The following RP1L1 variants were observed in gnomAD, a reference collection of about 807,000 sequenced individuals.
RP1L1 encodes retinitis pigmentosa 1-like 1 protein.
A neutral mutation model predicts 15.7 loss-of-function variants in RP1L1; 27 were observed. The ratio of observed to expected loss-of-function variants is 1.72; its 90% CI spans 1.27 to 2.38. The LOEUF is 2.38. RP1L1 is among the 30% of genes most tolerant of loss of function. The probability of loss-of-function intolerance (pLI) is 0.00; values close to 1 mark genes in which losing one functional copy is unlikely to be tolerated. For synonymous variants in RP1L1, 1,813 were observed against 1,276.7 expected (o/e 1.42, Z -8.96); for missense variants, 4,798 against 3,075.9 (o/e 1.56, Z -13.24).
intron 3 of RP1L1, among the ~76,000 whole-genome samples, chr8:10,614,661 C>CAAAAAAAA (rs772003815): frequency 2.6e-5 from 2 of 75,566 alleles, no homozygotes; most frequent in African/African-American, 5.6e-5. Flanking sequence ...ATTCTGTCGT[C>CAAAAAAAA]AAAAAAAAAA....
chr8:10,610,764 T>C lies in RP1L1; in HGVS notation c.3334A>G (p.Ser1112Gly). The change falls in exon 4 of 4, where the codon AGC becomes GGC. Residue 1112 changes from serine to glycine, a missense_variant. Coordinates refer to ENST00000382483, the MANE Select transcript of RP1L1 (RefSeq NM_178857.6). The part of the protein sequence containing the change: ...EVSRPMARRL[S>G]CSAGALITCL... ...GTAATGAGGGCCCCGGCTGAGCAGCTGAGCCTCCTGGCCATGGGCCTAGAC... is the reference window on the plus strand; with the variant it reads ...GTAATGAGGGCCCCGGCTGAGCAGCCGAGCCTCCTGGCCATGGGCCTAGAC... The C allele has an allele frequency of 6.2e-7, 1 of 1,613,346 alleles. No homozygotes were observed. Among genetic ancestry groups the C allele is most frequent in the Non-Finnish European group, 8.5e-7 (1 of 1,180,000 alleles).
At chr8:10,628,759 G>T (rs1798196220) in intron 1 of RP1L1, among the ~76,000 whole-genome samples, 1 of 152,176 alleles carries the variant, frequency 6.6e-6, no homozygotes, top group Non-Finnish European at 1.5e-5. Flanking sequence ...ACAACTCATG[G>T]ACTGGAAGAA....
chr8:10,616,483 A>G lies in RP1L1; in HGVS notation c.714T>C (p.Ala238=), dbSNP rs763914928. The G allele has an allele frequency of 6.2e-7, 1 of 1,614,236 alleles. No individual in the cohort carries two copies. The highest frequency in any genetic ancestry group is 8.5e-7 in the Non-Finnish European group (1 of 1,180,042). ...TTGAAGTCAGCCCAGATAAAGTTTC[A>G]GCCTCGCTTCTCCTGGCATTTTTCA... ...PAMKNARRSE[A]ETLSGLTSRN... The change falls in exon 3 of 4, where the codon GCT becomes GCC. Residue 238 remains alanine, a synonymous_variant. Coordinates refer to ENST00000382483, the MANE Select transcript of RP1L1 (RefSeq NM_178857.6).
At chr8:10,641,224 G>A (rs2117257162) in intron 1 of RP1L1, among the ~76,000 whole-genome samples, 1 of 152,280 alleles carries the variant, frequency 6.6e-6, no homozygotes, top group African/African-American at 2.4e-5. Flanking sequence ...AGAAGTACTA[G>A]CCAATGAAAT....
At chr8:10,615,441 T>C (rs1797950046) in intron 3 of RP1L1, among the ~76,000 whole-genome samples, 1 of 152,176 alleles carries the variant, frequency 6.6e-6, no homozygotes, top group Non-Finnish European at 1.5e-5. Flanking sequence ...TTGACCCCCA[T>C]GCAGGCCACC....
intron 1 of RP1L1, among the ~76,000 whole-genome samples, chr8:10,625,908 C>T (rs1346711057): frequency 1.3e-5 from 2 of 150,854 alleles, no homozygotes; most frequent in South Asian, 2.1e-4. Context: ...GGGCAGGCAG[C>T]GAGGGCAGCA....
In RP1L1 at chr8:10,616,415, T is replaced by C. The variant is rs763859947; in HGVS notation, c.751+31A>G. ...CTACTGAACCACCATGCAGTGCAAA[T>C]CAGATGGGGGAAACCCAAAAACCAA... On this transcript the variant is annotated intron_variant, in intron 3 of 3. Transcript: ENST00000382483. 3.8e-5 allele frequency: 61 copies of C among 1,613,924 alleles called. 1 individual carries two copies. The South Asian group carries it at 6.7e-4, about 18-fold the overall frequency.
At position 10,611,286 on chromosome 8, in the gene RP1L1, C is replaced by T; in HGVS notation, c.2812G>A (p.Glu938Lys). 7 of 1,613,044 alleles carry T rather than the reference C, an allele frequency of 4.3e-6. No homozygotes were observed. The highest frequency in any genetic ancestry group is 1.1e-5 in the South Asian group (1 of 91,090). Residue 938 changes from glutamate to lysine, a missense_variant, in exon 4 of 4, where the codon GAG (glutamate) becomes AAG (lysine). By Grantham distance (56) the Glu-to-Lys change is moderately conservative (BLOSUM62 1). Coordinates refer to ENST00000382483, the MANE Select transcript of RP1L1 (RefSeq NM_178857.6). ...LRSGGGPQGQ[E>K]EASGVSPSSL... ...CTGGGTGACACACCACTGGCCTCCT[C>T]CTGCCCCTGGGGGCCTCCCCCACTC...
At chr8:10,615,388 T>C (rs538551590) in intron 3 of RP1L1, among the ~76,000 whole-genome samples, 1 of 152,170 alleles carries the variant, frequency 6.6e-6, no homozygotes, top group African/African-American at 2.4e-5. Context: ...GTTGGTTGTA[T>C]GGATGGATGG....
At chr8:10,627,481 G>T (rs1798176574) in intron 1 of RP1L1, among the ~76,000 whole-genome samples, 1 of 152,032 alleles carries the variant, frequency 6.6e-6, no homozygotes, top group Non-Finnish European at 1.5e-5. Flanking sequence ...GGGCTGGGAG[G>T]AGGTACGAGA....
chr8:10,617,211 T>C (rs1797981598), intron 2 of RP1L1, among the ~76,000 whole-genome samples: 1 of 152,008 alleles, frequency 6.6e-6, no homozygotes, highest in Admixed American at 6.6e-5. Flanking sequence ...GCAGGCCATG[T>C]CACTGCAGAA....
intron 1 of RP1L1, among the ~76,000 whole-genome samples, chr8:10,624,794 T>C (rs1798130723): frequency 6.6e-6 from 1 of 152,162 alleles, no homozygotes. Context: ...AAAACTGGGC[T>C]TTTCAGTTCC....
chr8:10,625,071 C>T lies in RP1L1; in HGVS notation c.-19-1851G>A, dbSNP rs986211183. 5.9e-5 allele frequency among the ~76,000 whole-genome samples: 9 copies of T among 152,328 alleles called. No individual in the cohort carries two copies. In the South Asian group the frequency reaches 6.2e-4, roughly 11 times the overall value. On this transcript the variant is annotated intron_variant, in intron 1 of 3. Transcript: ENST00000382483. ...ACATTCCAGACCGGCCTTCAGAAGC[C>T]GGACTGAGGGTGAACAATCAGCTGA...
chr8:10,628,410 C>A (rs1798190522), intron 1 of RP1L1, among the ~76,000 whole-genome samples: 2 of 152,082 alleles, frequency 1.3e-5, no homozygotes, highest in South Asian at 2.1e-4. Flanking sequence ...AGCACATTCC[C>A]ATAAACACAA....
In RP1L1 at chr8:10,647,565, C is replaced by G. The variant is rs142167167; in HGVS notation, c.-20+7333G>C. ...TCTATAAATCTGACACCTCTAGGAA[C>G]TTTACAGAAGCAGAATCGTGCAGTA... On this transcript the variant is annotated intron_variant, in intron 1 of 3. Coordinates refer to ENST00000382483, the MANE Select transcript of RP1L1 (RefSeq NM_178857.6). Among the ~76,000 whole-genome samples the G allele has an allele frequency of 2.0e-5, 3 of 152,218 alleles. No individual in the cohort carries two copies. The East Asian group carries it at 5.8e-4, about 29-fold the overall frequency.
rs763816637 is a variant in RP1L1 at position 10,622,705 on chromosome 8, T to A, written c.497A>T (p.Gln166Leu). ...LIKNMDPRLQ[Q>L]TVVLSHRNTR... ...ATTCCTGTGACTGAGAACCACTGTC[T>A]GCTGGAGGCGAGGGTCCATGTTCTT... Residue 166 changes from glutamine (Q) to leucine (L), a missense_variant, in exon 2 of 4, where the codon CAG becomes CTG. Transcript: ENST00000382483. 1 of 1,614,060 alleles carries A rather than the reference T, an allele frequency of 6.2e-7. No individual in the cohort carries two copies. The highest frequency in any genetic ancestry group is 8.5e-7 in the Non-Finnish European group (1 of 1,180,032).
chr8:10,607,162 T>C lies in RP1L1; in HGVS notation c.6936A>G (p.Lys2312=), dbSNP rs374811414. 7 of 1,614,118 alleles carry C rather than the reference T, an allele frequency of 4.3e-6. No individual in the cohort carries two copies. The highest frequency in any genetic ancestry group is 3.3e-5 in the Admixed American group (2 of 60,014). ...CAAGTACATGGTCATTTTCTGAGTC[T>C]TTCTGCCAGCAGTTGCCCCAAGAGG... The part of the protein sequence containing the change: ...RASSWGNCWQ[K]DSENDHVLGD... Residue 2312 remains lysine (K), a synonymous_variant, in exon 4 of 4, where the codon AAA becomes AAG. Transcript: ENST00000382483.
At chr8:10,615,617 C>T (rs1272410534) in intron 3 of RP1L1, among the ~76,000 whole-genome samples, 4 of 152,178 alleles carry the variant, frequency 2.6e-5, no homozygotes, top group Non-Finnish European at 5.9e-5. Flanking sequence ...AAGTCTCAAA[C>T]TCCTGGGCTC....
chr8:10,621,972 T>C (rs1190707866), intron 2 of RP1L1, among the ~76,000 whole-genome samples: 2 of 152,176 alleles, frequency 1.3e-5, no homozygotes, highest in East Asian at 3.9e-4. Flanking sequence ...CTTGAGTAGT[T>C]TGTTTCCTAC....
Sources: allele counts gnomAD v4.1 joint callset (sites outside exome capture counted in the v4.1 genomes callset), GRCh38; gene constraint gnomAD v4.1.1; transcripts MANE v1.5; gene names NCBI Gene and HGNC (gene_info 2026-07-23, HGNC 2026-07-21).